The following MAF variants were observed in gnomAD, a reference collection of about 807,000 sequenced individuals.
MAF encodes the protein transcription factor Maf.
In MAF, 10 loss-of-function variants were observed where a neutral mutation model predicts 22.0. The ratio of observed to expected loss-of-function variants is 0.45; its 90% CI spans 0.28 to 0.77. The LOEUF (loss-of-function observed/expected upper bound fraction) is 0.77, where lower values mean the gene tolerates loss of function less well. MAF is among the 30% of genes least tolerant of loss of function. The probability of loss-of-function intolerance (pLI) is 0.12; values close to 1 mark genes in which losing one functional copy is unlikely to be tolerated. For synonymous variants in MAF, 337 were observed against 255.8 expected, an observed-to-expected ratio of 1.32 and a Z score of -3.03; for missense variants, 544 against 548.4, an observed-to-expected ratio of 0.99 and a Z score of 0.08.
chr16:79,381,208 C>G, the MAF span, among the ~76,000 whole-genome samples: 1 of 152,240 alleles, frequency 6.6e-6, no homozygotes, highest in Non-Finnish European at 1.5e-5. Flanking sequence ...ATGTGACTTC[C>G]TATTAACAGT....
the MAF span, among the ~76,000 whole-genome samples, chr16:79,444,589 G>T: frequency 6.6e-6 from 1 of 152,154 alleles, no homozygotes; most frequent in African/African-American, 2.4e-5. Flanking sequence ...TTTACTCAAG[G>T]TCAGAGGATC....
At chr16:79,393,192 T>C in the MAF span, among the ~76,000 whole-genome samples, 3 of 152,244 alleles carry the variant, frequency 2.0e-5, no homozygotes, top group Admixed American at 2.0e-4. Context: ...TCCCAATATG[T>C]TTTGGCAGCC....
chr16:79,221,870 T>C, the MAF span, among the ~76,000 whole-genome samples: 1 of 152,212 alleles, frequency 6.6e-6, no homozygotes, highest in Non-Finnish European at 1.5e-5. Context: ...TTAATTATGT[T>C]TAACCCTAAT....
the MAF span, among the ~76,000 whole-genome samples, chr16:79,534,349 A>G: frequency 2.6e-5 from 4 of 152,290 alleles, no homozygotes; most frequent in East Asian, 7.7e-4. Context: ...ATTCTTGGGA[A>G]TACAGGACTT....
chr16:79,454,332 G>C, the MAF span, among the ~76,000 whole-genome samples: 3 of 152,138 alleles, frequency 2.0e-5, no homozygotes, highest in Non-Finnish European at 4.4e-5. Context: ...AGTGAAGAGA[G>C]AGGGCCCTGC....
At chr16:79,215,494 G>C in the MAF span, among the ~76,000 whole-genome samples, 3 of 152,156 alleles carry the variant, frequency 2.0e-5, no homozygotes, top group African/African-American at 7.2e-5. Context: ...ATCAGCCAAG[G>C]TGCTGTGCAA....
chr16:79,320,106 A>C, the MAF span, among the ~76,000 whole-genome samples: 1 of 152,188 alleles, frequency 6.6e-6, no homozygotes, highest in Non-Finnish European at 1.5e-5. Flanking sequence ...AGGGTGGTAC[A>C]AAGTGGAGTA....
At chr16:79,506,095 A>G in the MAF span, among the ~76,000 whole-genome samples, 2 of 152,328 alleles carry the variant, frequency 1.3e-5, no homozygotes, top group Non-Finnish European at 2.9e-5. Flanking sequence ...ACTGAGCAGC[A>G]TAATTTGATC....
chr16:79,373,021 C>G, the MAF span, among the ~76,000 whole-genome samples: 1 of 152,044 alleles, frequency 6.6e-6, no homozygotes, highest in Non-Finnish European at 1.5e-5. Context: ...AAAATATATG[C>G]GGGACCATGG....
At chr16:79,311,693 T>C in the MAF span, among the ~76,000 whole-genome samples, 1 of 152,100 alleles carries the variant, frequency 6.6e-6, no homozygotes, top group Admixed American at 6.6e-5. Context: ...CTCCACAGAC[T>C]CAATTCCACA....
At chr16:79,440,778 T>A in the MAF span, among the ~76,000 whole-genome samples, 32 of 152,350 alleles carry the variant, frequency 2.1e-4, no homozygotes, top group African/African-American at 7.0e-4. Context: ...CTGTTATTTT[T>A]AACATATAAA....
chr16:79,553,642 T>A, the MAF span, among the ~76,000 whole-genome samples: 85 of 152,304 alleles, frequency 5.6e-4, 2 homozygotes, highest in African/African-American at 1.9e-3. Flanking sequence ...TGCCAGAGCC[T>A]CAAAGAAAGC....
At chr16:79,432,335 G>C in the MAF span, among the ~76,000 whole-genome samples, 1 of 152,092 alleles carries the variant, frequency 6.6e-6, no homozygotes, top group African/African-American at 2.4e-5. Flanking sequence ...ACTCAGTCTC[G>C]AGTATTTCCT....
chr16:79,407,001 G>T, the MAF span, among the ~76,000 whole-genome samples: 1 of 152,120 alleles, frequency 6.6e-6, no homozygotes, highest in South Asian at 2.1e-4. Context: ...GGCTGCCGGC[G>T]CGTCACACCC....
At chr16:79,320,338 G>T in the MAF span, among the ~76,000 whole-genome samples, 2 of 152,160 alleles carry the variant, frequency 1.3e-5, no homozygotes, top group Admixed American at 6.5e-5. Flanking sequence ...AGAAGATACG[G>T]GGCTTCCTGA....
At chr16:79,315,837 G>C in the MAF span, among the ~76,000 whole-genome samples, 72 of 152,316 alleles carry the variant, frequency 4.7e-4, no homozygotes, top group Admixed American at 7.8e-4. Flanking sequence ...TAATTAGGGA[G>C]ACCTTCAAAA....
the MAF span, among the ~76,000 whole-genome samples, chr16:79,223,199 G>C: frequency 1.3e-5 from 2 of 152,098 alleles, no homozygotes; most frequent in East Asian, 1.9e-4. Context: ...TTAGAACTCA[G>C]GATTAAGAAA....
the MAF span, among the ~76,000 whole-genome samples, chr16:79,223,176 C>G: frequency 6.6e-6 from 1 of 152,188 alleles, no homozygotes; most frequent in African/African-American, 2.4e-5. Context: ...TCTCAGACCA[C>G]AGTGCAATCA....
chr16:79,279,932 G>C, the MAF span, among the ~76,000 whole-genome samples: 1 of 152,026 alleles, frequency 6.6e-6, no homozygotes, highest in Admixed American at 6.6e-5. Flanking sequence ...TTATAAATAC[G>C]GGGCTTGCCC....
Sources: allele counts gnomAD v4.1 joint callset (sites outside exome capture counted in the v4.1 genomes callset), GRCh38; gene constraint gnomAD v4.1.1; transcripts MANE v1.5; gene names NCBI Gene and HGNC (gene_info 2026-07-23, HGNC 2026-07-21).